KALRN: variants seen among roughly 807,000 people sequenced by gnomAD.
KALRN encodes the protein kalirin RhoGEF kinase.
Under a neutral mutation model 353.7 loss-of-function variants are expected in KALRN, and 70 were observed. The ratio of observed to expected loss-of-function variants is 0.20; its 90% CI spans 0.16 to 0.24. The LOEUF (loss-of-function observed/expected upper bound fraction) is 0.24, where lower values mean the gene tolerates loss of function less well. Ranked by LOEUF, KALRN falls within the 10% of genes least tolerant of loss-of-function variation. The pLI is 1.00. For synonymous variants in KALRN, 1,391 were observed against 1,434.8 expected (o/e 0.97, Z 0.69); for missense variants, 2,791 against 3,756.7 (o/e 0.74, Z 6.72).
chr3:124,514,389 C>T (rs2066304835), intron 33 of KALRN, among the ~76,000 whole-genome samples: 1 of 152,110 alleles, frequency 6.6e-6, no homozygotes, highest in Non-Finnish European at 1.5e-5. Flanking sequence ...GAGATACAGG[C>T]CTTTCCCTAA....
At chr3:124,284,970 G>C (rs2075695453) in intron 5 of KALRN, among the ~76,000 whole-genome samples, 1 of 152,104 alleles carries the variant, frequency 6.6e-6, no homozygotes, top group Admixed American at 6.6e-5. Context: ...TTCCCTTCAT[G>C]GTTCTAAGAC....
chr3:124,496,237 A>G, intron 32 of KALRN, 74 bp from the exon 33 acceptor site: 1 of 1,129,406 alleles, frequency 8.9e-7, no homozygotes, highest in African/African-American at 1.5e-5. Flanking sequence ...ACCCAACCGG[A>G]AATCCTTGTG....
intron 1 of KALRN, among the ~76,000 whole-genome samples, chr3:124,111,797 C>G (rs1407226331): frequency 6.6e-6 from 1 of 152,044 alleles, no homozygotes; most frequent in African/African-American, 2.4e-5. Context: ...TTTATTTAAT[C>G]AAAAATATTA....
At chr3:124,287,145 C>T (rs1423057267) in intron 5 of KALRN, among the ~76,000 whole-genome samples, 3 of 152,124 alleles carry the variant, frequency 2.0e-5, no homozygotes, top group Non-Finnish European at 4.4e-5. Flanking sequence ...AATGAATGCC[C>T]AGAGAGCTCA....
chr3:124,244,812 C>G (rs2080917074), intron 3 of KALRN, among the ~76,000 whole-genome samples: 1 of 151,916 alleles, frequency 6.6e-6, no homozygotes, highest in South Asian at 2.1e-4. Context: ...AAATCTGTAG[C>G]AATCATGGGC....
chr3:124,311,326 G>A (rs1213997852), intron 6 of KALRN, among the ~76,000 whole-genome samples: 1 of 151,860 alleles, frequency 6.6e-6, no homozygotes, highest in African/African-American at 2.4e-5. Flanking sequence ...AACTGGGCAT[G>A]GTGGGGCACG....
At chr3:124,405,144 C>T (rs781099163) in intron 13 of KALRN, among the ~76,000 whole-genome samples, 1 of 152,152 alleles carries the variant, frequency 6.6e-6, no homozygotes, top group Non-Finnish European at 1.5e-5. Context: ...GACTTTTTGA[C>T]AAATTAATTT....
chr3:124,312,665 C>T (rs988497957), intron 6 of KALRN, among the ~76,000 whole-genome samples: 9 of 152,172 alleles, frequency 5.9e-5, no homozygotes, highest in Non-Finnish European at 7.3e-5. Flanking sequence ...TCTGTGTGTA[C>T]CACACAGTAT....
At chr3:124,340,132 C>A (rs1265208092) in intron 9 of KALRN, among the ~76,000 whole-genome samples, 1 of 152,200 alleles carries the variant, frequency 6.6e-6, no homozygotes, top group African/African-American at 2.4e-5. Flanking sequence ...AATAAAACAA[C>A]ACCCAAACCA....
intron 1 of KALRN, among the ~76,000 whole-genome samples, chr3:124,124,748 A>G (rs1031336321): frequency 6.6e-6 from 1 of 152,262 alleles, no homozygotes; most frequent in Non-Finnish European, 1.5e-5. Flanking sequence ...TAAAAAGATA[A>G]TGAATTGCTG....
At chr3:124,138,519 T>C (rs2066217688) in intron 1 of KALRN, among the ~76,000 whole-genome samples, 1 of 152,232 alleles carries the variant, frequency 6.6e-6, no homozygotes, top group East Asian at 1.9e-4. Context: ...AGAGCAAATC[T>C]CAATGATCAA....
intron 5 of KALRN, among the ~76,000 whole-genome samples, chr3:124,288,497 G>A (rs1016457327): frequency 6.6e-6 from 1 of 152,212 alleles, no homozygotes; most frequent in Non-Finnish European, 1.5e-5. Flanking sequence ...GGACTGTGAT[G>A]TGAAATAATA....
intron 10 of KALRN, among the ~76,000 whole-genome samples, chr3:124,356,784 C>T (rs965621096): frequency 6.6e-6 from 1 of 152,126 alleles, no homozygotes; most frequent in Non-Finnish European, 1.5e-5. Flanking sequence ...ACTCTTTTCC[C>T]TTTTCCCCAG....
Position 124,555,575 on chromosome 3 carries a change from C to T in KALRN, c.4936-7268C>T, listed in dbSNP as rs978905222. Among the ~76,000 whole-genome samples, 5 of 151,796 alleles carry T rather than the reference C, an allele frequency of 3.3e-5. No homozygotes were observed. In the South Asian group the frequency reaches 8.4e-4, roughly 25 times the overall value. The stretch of plus-strand genomic sequence containing the variant: ...GTTTAGGAATTCATGGAGATATAGT[C>T]ACATGATTAAAGGGCAAGATAAATT... On this transcript the variant is annotated intron_variant, in intron 33 of 59. Transcript: ENST00000682506.
chr3:124,347,040 G>T (rs12496590), intron 9 of KALRN, 103 bp from the exon 10 acceptor site: 12 of 1,537,772 alleles, frequency 7.8e-6, no homozygotes, highest in Non-Finnish European at 1.1e-5. Context: ...TTTACAACTG[G>T]GATGGGATAT....
chr3:124,597,859 T>G (rs1423429350), intron 34 of KALRN, among the ~76,000 whole-genome samples: 3 of 152,388 alleles, frequency 2.0e-5, no homozygotes, highest in Admixed American at 1.3e-4. Context: ...TTGTTTCTAC[T>G]TTATAATAAT....
At chr3:124,469,087 C>A (rs953565297) in intron 25 of KALRN, among the ~76,000 whole-genome samples, 3 of 152,204 alleles carry the variant, frequency 2.0e-5, no homozygotes, top group Non-Finnish European at 2.9e-5. Flanking sequence ...TAAGATTAAT[C>A]TTTTGTATTT....
At chr3:124,693,921 G>T in intron 52 of KALRN, 90 bp downstream of exon 52, 1 of 886,294 alleles carries the variant, frequency 1.1e-6, no homozygotes, top group South Asian at 1.7e-5. Context: ...TGTAAGCAAT[G>T]GTGATATAGT....
intron 5 of KALRN, among the ~76,000 whole-genome samples, chr3:124,291,699 T>C (rs1171404858): frequency 6.6e-6 from 1 of 152,160 alleles, no homozygotes; most frequent in Non-Finnish European, 1.5e-5. Context: ...GCCTGGTCAG[T>C]GAGATGTTTG....
Sources: gnomAD v4.1 joint callset for allele counts (sites outside exome capture counted in the v4.1 genomes callset) on GRCh38, gnomAD v4.1.1 for gene constraint, MANE v1.5 for transcripts, NCBI Gene and HGNC (gene_info 2026-07-23, HGNC 2026-07-21) for gene names.